Variants in HSPG2 observed in about 807,000 individuals in gnomAD.
HSPG2 encodes the protein heparan sulfate proteoglycan 2.
Under a neutral mutation model 526.6 loss-of-function variants are expected in HSPG2, and 278 were observed. That is an observed-to-expected ratio of 0.53 (90% CI 0.48 to 0.58). The LOEUF (loss-of-function observed/expected upper bound fraction) is 0.58. Ranked by LOEUF, HSPG2 falls within the 20% of genes least tolerant of loss-of-function variation. HSPG2 has a pLI of 0.00. For synonymous variants in HSPG2, 2,465 were observed against 2,555.4 expected (o/e 0.96, Z 1.07); for missense variants, 5,354 against 6,099.5 (o/e 0.88, Z 4.07).
rs1642919349 is a variant in HSPG2, at chr1:21,898,747, C to T, written c.64-2437G>A. ...TCTGGTTAGAGGAGATTTGAGGGGT[C>T]CCCTCAACCTGGTGGGGGGCTCTGT... On this transcript the variant is annotated intron_variant, in intron 1 of 96. Coordinates refer to ENST00000374695, the MANE Select transcript of HSPG2 (RefSeq NM_005529.7). The surrounding 1 kb of genome is among the most constrained non-coding windows in gnomAD (Gnocchi z 4.0). Among the ~76,000 whole-genome samples the T allele has an allele frequency of 6.6e-6, 1 of 152,204 alleles. No homozygotes were observed. The highest frequency in any genetic ancestry group is 2.1e-4 in the South Asian group (1 of 4,836).
intron 6 of HSPG2, among the ~76,000 whole-genome samples, chr1:21,889,038 G>T (rs1244778588): frequency 6.6e-6 from 1 of 152,190 alleles, no homozygotes; most frequent in Non-Finnish European, 1.5e-5. Context: ...TGATCCTCCT[G>T]CCTCAGCCTC....
chr1:21,869,503 GAGGAGGAGGAGGAGGAAGAAGA>G, intron 33 of HSPG2: 1 of 932,134 alleles, frequency 1.1e-6, no homozygotes, highest in Non-Finnish European at 1.3e-6. Flanking sequence ...AGCTGAGGAA[GAGGAGGAGGAGGAGGAAGAAGA>G]AGGAGGAGGT....
chr1:21,876,592 G>A lies in HSPG2; in HGVS notation c.2746C>T (p.Arg916Ter). ...CACTTGAGGCAGCCATCGGGGTTTCGGGTACTCAGGTGGAAAGAGCCGTCA... is the reference window on the plus strand; with the variant it reads ...CACTTGAGGCAGCCATCGGGGTTTCAGGTACTCAGGTGGAAAGAGCCGTCA... Reference protein sequence around the residue: ...CADGSFHLSTRNPDGCLKCFC... With the variant: ...CADGSFHLST Residue 916 changes from arginine (R) to a stop codon, truncating the protein, a stop_gained, in exon 22 of 97, where the codon CGA (arginine) becomes TGA (stop). Coordinates refer to ENST00000374695, the MANE Select transcript of HSPG2 (RefSeq NM_005529.7). LOFTEE classifies it high-confidence loss of function. The A allele has an allele frequency of 1.9e-6, 3 of 1,614,198 alleles. No individual in the cohort carries two copies. The highest frequency in any genetic ancestry group is 1.7e-6 in the Non-Finnish European group (2 of 1,180,032).
intron 6 of HSPG2, chr1:21,888,838 G>A (rs1642144619): frequency 1.7e-6 from 1 of 574,642 alleles, no homozygotes; most frequent in Admixed American, 3.5e-5. Context: ...TGAGAGAGGA[G>A]GGCTGGACCC....
Position 21,890,668 on chromosome 1 carries a change from T to A in HSPG2, c.271A>T (p.Thr91Ser). 5.6e-6 allele frequency: 9 copies of A among 1,613,652 alleles called. No individual in the cohort carries two copies. The highest frequency in any genetic ancestry group is 7.6e-6 in the Non-Finnish European group (9 of 1,179,810). The change falls in exon 4 of 97, where the codon ACT (threonine) becomes TCT (serine). Residue 91 changes from threonine to serine, a missense_variant. By Grantham distance (58) the Thr-to-Ser change is moderately conservative. Transcript: ENST00000374695. The surrounding 1 kb of genome is among the most constrained non-coding windows in gnomAD (Gnocchi z 4.1). Reference protein sequence around the residue: ...MVYFRALVNFTRSIEYSPQLE... With the variant: ...MVYFRALVNFSRSIEYSPQLE... ...TGAGGGCTGTACTCGATGGAGCGAGTGAAATTCACCAGGGCTCGGAAATAA... is the reference window on the plus strand; with the variant it reads ...TGAGGGCTGTACTCGATGGAGCGAGAGAAATTCACCAGGGCTCGGAAATAA...
rs536739296 is a variant in HSPG2 at position 21,858,137 on chromosome 1, C to G, written c.5294-752G>C. Among the ~76,000 whole-genome samples the G allele has an allele frequency of 3.9e-5, 6 of 152,238 alleles. No homozygotes were observed. In the East Asian group the frequency reaches 1.2e-3, roughly 29 times the overall value. ...TGCAGGAGTTGTCCACACTCGCTGCCTTCCCACCCATGTGTCGCCTCCTTC... is the reference window on the plus strand; with the variant it reads ...TGCAGGAGTTGTCCACACTCGCTGCGTTCCCACCCATGTGTCGCCTCCTTC... On this transcript the variant is annotated intron_variant, in intron 42 of 96. Coordinates refer to ENST00000374695, the MANE Select transcript of HSPG2 (RefSeq NM_005529.7). This position sits in a 1 kb window ranked among gnomAD's most constrained non-coding sequence, Gnocchi z 4.2.
chr1:21,831,294 T>C lies in HSPG2; in HGVS notation c.11483A>G (p.Glu3828Gly), dbSNP rs1395036929. The change falls in exon 84 of 97, where the codon GAG (glutamate) becomes GGG (glycine). Residue 3828 changes from glutamate to glycine, a missense_variant. Glu to Gly is a moderately conservative substitution (Grantham distance 98). Transcript: ENST00000374695. ...GTTGAGGTCATGGAAGACGATCTCC[T>C]CGCCCTGGATGCGCAGCTCCCGGAC... is the stretch of plus-strand genomic sequence containing the variant. ...GCVRELRIQG[E>G]EIVFHDLNLT... is the part of the protein sequence containing the mutation. 6.2e-7 allele frequency: 1 copy of C among 1,614,002 alleles called. No homozygotes were observed. The highest frequency in any genetic ancestry group is 1.7e-5 in the Admixed American group (1 of 60,002).
At chr1:21,880,945 C>T in intron 14 of HSPG2, 110 bp from the exon 15 acceptor site, 3 of 1,139,632 alleles carry the variant, frequency 2.6e-6, no homozygotes, top group South Asian at 1.3e-5. Flanking sequence ...CTACCTGAGA[C>T]TTACTGTGTG....
rs182141243 is a variant in HSPG2, at chr1:21,871,104, G to T, written c.4221+1082C>A. On this transcript the variant is annotated intron_variant, in intron 33 of 96. Transcript: ENST00000374695. ...GCCACCGGATGCCCGTGCTGCTCAA[G>T]AACACATTTGGGCAGGTTGTCCCAG... Among the ~76,000 whole-genome samples the T allele has an allele frequency of 8.9e-3, 1,354 of 152,188 alleles. 11 individuals carry two copies. Among genetic ancestry groups the T allele is most frequent in the African/African-American group, 0.031 (1,272 of 41,526 alleles).
intron 81 of HSPG2, 102 bp downstream of exon 81, chr1:21,832,393 C>T: frequency 1.0e-6 from 1 of 977,276 alleles, no homozygotes; most frequent in Non-Finnish European, 1.6e-6. Flanking sequence ...ACATTTTCTC[C>T]TTCCTCCAGA....
chr1:21,845,370 GTTTA>G (rs920014461), intron 64 of HSPG2, among the ~76,000 whole-genome samples: 3 of 152,070 alleles, frequency 2.0e-5, no homozygotes, highest in African/African-American at 4.8e-5. Context: ...TAATAAAGAT[GTTTA>G]TTTATTTATT....
chr1:21,822,398 C>A lies in HSPG2; in HGVS notation c.*918G>T, dbSNP rs571768232. 1 of 635,392 alleles carries A rather than the reference C, an allele frequency of 1.6e-6. No homozygotes were observed. The highest frequency in any genetic ancestry group is 2.8e-6 in the Non-Finnish European group (1 of 355,896). 39.4% of individuals were successfully genotyped at this position (635,392 alleles called of 1,614,324 possible). A position where few individuals can be genotyped will look rare whatever the true frequency, so the allele number is the denominator to read the frequency against. On this transcript the variant is annotated 3_prime_UTR_variant, in exon 97 of 97. Transcript: ENST00000374695. Reference sequence around the variant, plus strand: ...GATCTTCAGGCTCCTGCAGATGGGGCAGGGTGGTCATATCCCCCTCCTCTC... The same window carrying A: ...GATCTTCAGGCTCCTGCAGATGGGGAAGGGTGGTCATATCCCCCTCCTCTC...
chr1:21,835,702 G>A lies in HSPG2; in HGVS notation c.10356-65C>T, dbSNP rs1291404435. The A allele has an allele frequency of 2.8e-5, 36 of 1,271,852 alleles. No individual in the cohort carries two copies. The South Asian group carries it at 4.3e-4, about 15-fold the overall frequency. The allele number at this position is 1,271,852 out of a possible 1,614,324, so 78.8% of individuals were successfully genotyped here. ...CAACTGATAGAATGCTTTGCAATTG[G>A]GCTGGGCGTGGTGGCTCACGCCTGT... On this transcript the variant is annotated intron_variant, in intron 75 of 96. Transcript: ENST00000374695.
chr1:21,889,288 A>T (rs896990879), intron 6 of HSPG2, among the ~76,000 whole-genome samples: 6 of 152,184 alleles, frequency 3.9e-5, no homozygotes, highest in Admixed American at 2.0e-4. Flanking sequence ...GTCTAGAGAA[A>T]AAAAAGAGAC....
rs751734248 is a variant in HSPG2, at chr1:21,880,194, C to T, written c.2256G>A (p.Val752=). The T allele has an allele frequency of 1.2e-6, 2 of 1,614,216 alleles. No homozygotes were observed. Among genetic ancestry groups the T allele is most frequent in the Admixed American group, 3.3e-5 (2 of 60,036 alleles). ...AGGTGCCCAGGTAGGGCCCACCAGG[C>T]ACCCGAGTGAAGTGGGCATCACAGC... ...CESCDAHFTR[V]PGGPYLGTCS... The change falls in exon 17 of 97, where the codon GTG becomes GTA. Residue 752 remains valine (V), a synonymous_variant. Coordinates refer to ENST00000374695, the MANE Select transcript of HSPG2 (RefSeq NM_005529.7).
Position 21,887,621 on chromosome 1 carries a change from A to T in HSPG2, c.757T>A (p.Ser253Thr). The T allele has an allele frequency of 1.9e-6, 3 of 1,613,988 alleles. No homozygotes were observed. The highest frequency in any genetic ancestry group is 2.2e-5 in the South Asian group (2 of 91,078). Residue 253 changes from serine to threonine, a missense_variant, in exon 8 of 97, where the codon TCT becomes ACT. Ser to Thr is a moderately conservative substitution (Grantham distance 58). Coordinates refer to ENST00000374695, the MANE Select transcript of HSPG2 (RefSeq NM_005529.7). The surrounding 1 kb of genome is among the most constrained non-coding windows in gnomAD (Gnocchi z 5.0). ...GTTGTCTCTGGCCGGGGCGGTAAAGATGTCGTCTCCACAAGGAGAGAGAAT... is the reference window on the plus strand; with the variant it reads ...GTTGTCTCTGGCCGGGGCGGTAAAGTTGTCGTCTCCACAAGGAGAGAGAAT... The part of the protein sequence containing the change: ...PTFSLLVETT[S>T]LPPRPETTIM...
At chr1:21,905,790 T>C (rs1285272477) in intron 1 of HSPG2, among the ~76,000 whole-genome samples, 1 of 152,122 alleles carries the variant, frequency 6.6e-6, no homozygotes, top group Non-Finnish European at 1.5e-5. Flanking sequence ...ACAGGAGGAT[T>C]ACTTGAGGCC....
intron 76 of HSPG2, 133 bp downstream of exon 76, chr1:21,835,407 C>CA (rs1345963140): frequency 3.8e-5 from 27 of 717,764 alleles, no homozygotes; most frequent in Non-Finnish European, 6.5e-5. Context: ...ACAAGCAAGG[C>CA]AAAATGGAAT....
chr1:21,861,080 C>T (rs1006951416), intron 39 of HSPG2, among the ~76,000 whole-genome samples: 4 of 152,198 alleles, frequency 2.6e-5, no homozygotes, highest in Non-Finnish European at 5.9e-5. Context: ...TGTAAATACA[C>T]ATTTGCACAA....
Sources: gnomAD v4.1 joint callset for allele counts (sites outside exome capture counted in the v4.1 genomes callset) on GRCh38, gnomAD v4.1.1 for gene constraint, Gnocchi (gnomAD v3.1) non-coding constraint, MANE v1.5 for transcripts, NCBI Gene and HGNC (gene_info 2026-07-23, HGNC 2026-07-21) for gene names.